Variants in TP63 observed in about 807,000 individuals in gnomAD.
TP63 encodes the protein tumor protein p63.
A neutral mutation model predicts 82.8 loss-of-function variants in TP63; 17 were observed. The observed-to-expected ratio is 0.21, with a 90% confidence interval of 0.14 to 0.31. TP63 has a LOEUF of 0.31. Among genes scored for constraint, TP63 ranks in the 10% least tolerant of loss-of-function variants. The pLI is 1.00. For missense variants in TP63, 648 were observed against 895.3 expected (o/e 0.72, Z 3.52); for synonymous variants, 330 against 321.7 (o/e 1.03, Z -0.28).
chr3:189,722,011 A>C (rs1290860476), intron 1 of TP63, among the ~76,000 whole-genome samples: 3 of 152,220 alleles, frequency 2.0e-5, no homozygotes, highest in African/African-American at 7.2e-5. Context: ...AAAGTAGAGA[A>C]GTAGGAAGGA....
intron 1 of TP63, among the ~76,000 whole-genome samples, chr3:189,719,056 G>A (rs1273092228): frequency 6.6e-6 from 1 of 152,042 alleles, no homozygotes. Flanking sequence ...CTCGGTTGCC[G>A]TAATTGAAGT....
chr3:189,647,468 C>G (rs1385873402), intron 1 of TP63, among the ~76,000 whole-genome samples: 1 of 146,890 alleles, frequency 6.8e-6, no homozygotes, highest in African/African-American at 2.6e-5. Context: ...GATGGTCCAA[C>G]TCAACAGGTC....
intron 4 of TP63, among the ~76,000 whole-genome samples, chr3:189,851,527 A>G (rs1715629706): frequency 6.6e-6 from 1 of 152,188 alleles, no homozygotes; most frequent in African/African-American, 2.4e-5. Context: ...GTGAGACAGG[A>G]TCGCGCCACT....
chr3:189,838,247 C>T (rs1009374588), intron 4 of TP63, among the ~76,000 whole-genome samples: 2 of 152,058 alleles, frequency 1.3e-5, no homozygotes, highest in African/African-American at 4.8e-5. Flanking sequence ...CTGTTTCCTT[C>T]CTTCCTTTAT....
intron 3 of TP63, among the ~76,000 whole-genome samples, chr3:189,766,831 A>T (rs753070761): frequency 6.6e-6 from 1 of 152,226 alleles, no homozygotes; most frequent in Admixed American, 6.5e-5. Flanking sequence ...TTAGGGCAAC[A>T]GTTGCTTTTC....
chr3:189,817,407 C>CT (rs1238737921), intron 4 of TP63, among the ~76,000 whole-genome samples: 1 of 152,068 alleles, frequency 6.6e-6, no homozygotes, highest in Non-Finnish European at 1.5e-5. Context: ...CTTTGGGGTA[C>CT]TAACAAGCTA....
intron 3 of TP63, among the ~76,000 whole-genome samples, chr3:189,785,137 T>C (rs1000916124): frequency 2.0e-5 from 3 of 152,062 alleles, no homozygotes; most frequent in African/African-American, 4.8e-5. Context: ...GGAGCTTGAA[T>C]TGAAAGCGAT....
At chr3:189,749,095 C>G (rs1312232752) in intron 3 of TP63, among the ~76,000 whole-genome samples, 1 of 151,996 alleles carries the variant, frequency 6.6e-6, no homozygotes, top group East Asian at 1.9e-4. Context: ...ACATAGAACA[C>G]TTCAGAACAT....
chr3:189,864,001 T>C lies in TP63; in HGVS notation c.580-231T>C, dbSNP rs543433094. On this transcript the variant is annotated intron_variant, in intron 4 of 13. Transcript: ENST00000264731. ...AGGAAATAATGGCATAAATGTGTTT[T>C]GATAAACATAAAACCTTTTGTAAAC... is the stretch of plus-strand genomic sequence containing the variant. Among the ~76,000 whole-genome samples, 174 of 152,360 alleles carry C rather than the reference T, an allele frequency of 1.1e-3. 1 individual carries two copies. Among genetic ancestry groups the C allele is most frequent in the African/African-American group, 4.0e-3 (168 of 41,592 alleles).
At chr3:189,731,020 G>A (rs148413628) in intron 1 of TP63, among the ~76,000 whole-genome samples, 191 of 152,136 alleles carry the variant, frequency 1.3e-3, no homozygotes, top group African/African-American at 4.6e-3. Context: ...TGTTTCTGAT[G>A]CACAATTTTT....
chr3:189,671,895 C>T (rs1240492423), intron 1 of TP63, among the ~76,000 whole-genome samples: 1 of 151,670 alleles, frequency 6.6e-6, no homozygotes, highest in South Asian at 2.1e-4. Context: ...GGAAGGGTAG[C>T]AAGGAGGGAA....
chr3:189,709,267 T>C (rs1416944846), intron 1 of TP63, among the ~76,000 whole-genome samples: 3 of 152,208 alleles, frequency 2.0e-5, no homozygotes, highest in African/African-American at 7.2e-5. Flanking sequence ...AACAAATTAT[T>C]ATGATGGTTT....
At chr3:189,795,203 T>G (rs1725572145) in intron 3 of TP63, among the ~76,000 whole-genome samples, 1 of 152,122 alleles carries the variant, frequency 6.6e-6, no homozygotes. Flanking sequence ...ACAATGATTT[T>G]GAAGTACCAG....
At chr3:189,778,811 C>A (rs985793703) in intron 3 of TP63, among the ~76,000 whole-genome samples, 1 of 152,078 alleles carries the variant, frequency 6.6e-6, no homozygotes, top group Non-Finnish European at 1.5e-5. Flanking sequence ...AATCCCTTAC[C>A]CCATAGAGAA....
chr3:189,627,865 AT>A (rs1304037554), upstream of TP63, among the ~76,000 whole-genome samples: 6 of 152,136 alleles, frequency 3.9e-5, no homozygotes, highest in Admixed American at 3.3e-4. Flanking sequence ...GAATTGGCGA[AT>A]TTCATTGTAT....
At chr3:189,841,753 T>C (rs996284564) in intron 4 of TP63, among the ~76,000 whole-genome samples, 3 of 152,228 alleles carry the variant, frequency 2.0e-5, no homozygotes, top group Admixed American at 1.3e-4. Flanking sequence ...AATTCTATAC[T>C]GTGAGTCATT....
At chr3:189,752,497 A>G (rs1721895447) in intron 3 of TP63, among the ~76,000 whole-genome samples, 1 of 152,158 alleles carries the variant, frequency 6.6e-6, no homozygotes, top group African/African-American at 2.4e-5. Flanking sequence ...TTTTTAATGT[A>G]AGTGGAATCT....
intron 1 of TP63, among the ~76,000 whole-genome samples, chr3:189,724,361 G>A (rs187260608): frequency 2.6e-5 from 4 of 152,296 alleles, no homozygotes; most frequent in African/African-American, 7.2e-5. Flanking sequence ...TTGGGGAACA[G>A]GTAGTGTTTG....
Position 189,819,194 on chromosome 3 carries a change from C to T in TP63, c.579+10668C>T, listed in dbSNP as rs563243498. On this transcript the variant is annotated intron_variant, in intron 4 of 13. Transcript: ENST00000264731. ...TGATGATTAAAAATCTCTTTTTGAA[C>T]TAAGACACGTAAGATAGTAACCTCT... Among the ~76,000 whole-genome samples, 21 of 152,244 alleles carry T rather than the reference C, an allele frequency of 1.4e-4. No homozygotes were observed. The East Asian group carries it at 3.9e-3, about 28-fold the overall frequency.
Sources: gnomAD v4.1 joint callset for allele counts (sites outside exome capture counted in the v4.1 genomes callset) on GRCh38, gnomAD v4.1.1 for gene constraint, MANE v1.5 for transcripts, NCBI Gene and HGNC (gene_info 2026-07-23, HGNC 2026-07-21) for gene names.